Variants in LARGE1 observed in about 807,000 individuals in gnomAD.
LARGE1 encodes the protein LARGE xylosyl- and glucuronyltransferase 1, also known as xylosyl- and glucuronyltransferase LARGE1.
Under a neutral mutation model 87.6 loss-of-function variants are expected in LARGE1, and 43 were observed. The observed-to-expected ratio is 0.49, with a 90% CI of 0.38 to 0.63. The LOEUF is 0.63. Among genes scored for constraint, LARGE1 ranks in the 30% least tolerant of loss-of-function variants. LARGE1 has a pLI of 0.00. For missense variants in LARGE1, 802 were observed against 1,000.2 expected (o/e 0.80, Z 2.67); for synonymous variants, 434 against 394.6 (o/e 1.10, Z -1.18).
intron 1 of LARGE1, among the ~76,000 whole-genome samples, chr22:33,818,777 C>T (rs1253496074): frequency 1.3e-5 from 2 of 152,036 alleles, no homozygotes; most frequent in African/African-American, 4.8e-5. Flanking sequence ...CTTTAGACAC[C>T]CAAGGACCAG....
the LARGE1 span, among the ~76,000 whole-genome samples, chr22:33,103,419 T>C: frequency 1.3e-3 from 133 of 105,478 alleles, no homozygotes; most frequent in African/African-American, 4.9e-3. Context: ...GGCAACAGAG[T>C]GAGACTCTGT....
At chr22:33,771,084 G>A (rs1409307302) in intron 1 of LARGE1, among the ~76,000 whole-genome samples, 1 of 151,610 alleles carries the variant, frequency 6.6e-6, no homozygotes, top group Non-Finnish European at 1.5e-5. Flanking sequence ...AGCCCTCCAA[G>A]GCTACAATTG....
At chr22:33,628,517 T>C (rs2080002624) in intron 3 of LARGE1, among the ~76,000 whole-genome samples, 1 of 152,046 alleles carries the variant, frequency 6.6e-6, no homozygotes, top group Non-Finnish European at 1.5e-5. Flanking sequence ...GTTTTTACCA[T>C]GTTGGTCAGG....
At chr22:33,376,976 C>T (rs2065012890) in intron 9 of LARGE1, among the ~76,000 whole-genome samples, 1 of 152,158 alleles carries the variant, frequency 6.6e-6, no homozygotes, top group Admixed American at 6.6e-5. Flanking sequence ...TTCATTCTCT[C>T]CAACGTGAAA....
chr22:33,312,420 C>A (rs1935701668), intron 11 of LARGE1, among the ~76,000 whole-genome samples: 1 of 141,232 alleles, frequency 7.1e-6, no homozygotes, highest in Non-Finnish European at 1.5e-5. Flanking sequence ...GGCCTGGCGA[C>A]ACCGCAAGAC....
chr22:33,564,586 T>G (rs1376852805), intron 6 of LARGE1, among the ~76,000 whole-genome samples: 1 of 152,240 alleles, frequency 6.6e-6, no homozygotes, highest in Non-Finnish European at 1.5e-5. Flanking sequence ...CTCCGCTATC[T>G]GCATACAAAA....
chr22:33,769,685 G>A (rs1030045143), intron 1 of LARGE1, among the ~76,000 whole-genome samples: 3 of 152,032 alleles, frequency 2.0e-5, no homozygotes, highest in Non-Finnish European at 4.4e-5. Flanking sequence ...TTCCTCTCAC[G>A]TCATTCTGCC....
At chr22:33,290,332 C>T (rs1932309966) in intron 12 of LARGE1, among the ~76,000 whole-genome samples, 1 of 152,170 alleles carries the variant, frequency 6.6e-6, no homozygotes, top group Admixed American at 6.5e-5. Flanking sequence ...TTCACCTCCT[C>T]GGAGTCACAG....
intron 6 of LARGE1, chr22:33,563,289 GC>G: frequency 6.6e-6 from 1 of 152,216 alleles, no homozygotes; most frequent in Non-Finnish European, 1.5e-5. Flanking sequence ...ACAATTAGGA[GC>G]TCCTCCGTGA....
intron 12 of LARGE1, among the ~76,000 whole-genome samples, chr22:33,284,169 AG>A (rs771785547): frequency 6.6e-6 from 1 of 152,188 alleles, no homozygotes; most frequent in Non-Finnish European, 1.5e-5. Flanking sequence ...AAAGGATCAC[AG>A]GGGTTACAGC....
At chr22:33,135,666 C>G in the LARGE1 span, among the ~76,000 whole-genome samples, 1 of 151,988 alleles carries the variant, frequency 6.6e-6, no homozygotes, top group Admixed American at 6.6e-5. Flanking sequence ...ATGGCAAAAC[C>G]CTGTCTCTAC....
intron 12 of LARGE1, among the ~76,000 whole-genome samples, chr22:33,284,680 C>T (rs1359711950): frequency 1.3e-5 from 2 of 152,042 alleles, no homozygotes; most frequent in African/African-American, 2.4e-5. Context: ...CGGGTTCAAG[C>T]GATTCTCCTG....
intron 7 of LARGE1, among the ~76,000 whole-genome samples, chr22:33,424,836 C>A (rs2066820169): frequency 6.6e-6 from 1 of 151,480 alleles, no homozygotes; most frequent in Non-Finnish European, 1.5e-5. Context: ...AGAGCAAGAC[C>A]CTATCTCAAA....
chr22:33,247,287 G>A (rs559051753), intron 11 of LARGE1, among the ~76,000 whole-genome samples: 7 of 152,144 alleles, frequency 4.6e-5, no homozygotes, highest in African/African-American at 1.4e-4. Flanking sequence ...CAAAATTGTA[G>A]TCAGTATCTA....
intron 11 of LARGE1, among the ~76,000 whole-genome samples, chr22:33,197,108 T>C (rs1360629542): frequency 6.6e-6 from 1 of 152,046 alleles, no homozygotes; most frequent in Admixed American, 6.6e-5. Flanking sequence ...AAATACACTT[T>C]CATGGAAACA....
At chr22:33,199,003 ATGT>A (rs1421306578) in intron 11 of LARGE1, among the ~76,000 whole-genome samples, 1 of 151,998 alleles carries the variant, frequency 6.6e-6, no homozygotes, top group Non-Finnish European at 1.5e-5. Flanking sequence ...CTTTCCCAAC[ATGT>A]TGTTTTTTGA....
At chr22:33,259,364 G>A (rs974410477) in intron 11 of LARGE1, among the ~76,000 whole-genome samples, 5 of 148,848 alleles carry the variant, frequency 3.4e-5, no homozygotes, top group East Asian at 2.0e-4. Context: ...ACACATGCAC[G>A]GACACACACA....
chr22:33,258,875 CTTCTTTTTT>C (rs1460123283), intron 11 of LARGE1, among the ~76,000 whole-genome samples: 3 of 136,858 alleles, frequency 2.2e-5, no homozygotes, highest in Non-Finnish European at 4.8e-5. Flanking sequence ...CTTTATGTTT[CTTCTTTTTT>C]TTTTTTTTTC....
chr22:33,782,626 G>C (rs2085457920), intron 1 of LARGE1, among the ~76,000 whole-genome samples: 1 of 152,110 alleles, frequency 6.6e-6, no homozygotes, highest in Non-Finnish European at 1.5e-5. Flanking sequence ...CAGCACTTTG[G>C]GAGGCCGAGG....
Sources: gnomAD v4.1 joint callset for allele counts (sites outside exome capture counted in the v4.1 genomes callset) on GRCh38, gnomAD v4.1.1 for gene constraint, MANE v1.5 for transcripts, NCBI Gene and HGNC (gene_info 2026-07-23, HGNC 2026-07-21) for gene names.